FSTL4: variants seen among roughly 807,000 people sequenced by gnomAD.
The protein encoded by FSTL4 is follistatin-related protein 4.
FSTL4 carries 28 observed loss-of-function variants against 78.2 expected under a neutral mutation model. The ratio of observed to expected loss-of-function variants is 0.36; its 90% confidence interval spans 0.27 to 0.49. The LOEUF is 0.49. Among genes scored for constraint, FSTL4 ranks in the 20% least tolerant of loss-of-function variants. The pLI is 0.98. For missense variants in FSTL4, 922 were observed against 1,084.9 expected, an observed-to-expected ratio of 0.85 and a Z score of 2.11; for synonymous variants, 422 against 440.5, an observed-to-expected ratio of 0.96 and a Z score of 0.53.
chr5:133,620,804 A>G, the FSTL4 span, among the ~76,000 whole-genome samples: 2 of 152,308 alleles, frequency 1.3e-5, no homozygotes, highest in South Asian at 2.1e-4. Flanking sequence ...AACTGTGGTG[A>G]TCAGGGAACA....
At position 133,483,838 on chromosome 5, in the gene FSTL4, C is replaced by T. The variant is rs6858965; in HGVS notation, c.161-82852G>A. The stretch of plus-strand genomic sequence containing the variant: ...CAGCTCCCAGGCTGCCTCCTTGGCT[C>T]TCACCCAGGGCAAGGCCTTGCCCAG... On this transcript the variant is annotated intron_variant, in intron 3 of 15. Coordinates refer to ENST00000265342, the MANE Select transcript of FSTL4 (RefSeq NM_015082.2). Among the ~76,000 whole-genome samples, 1,274 of 152,254 alleles carry T rather than the reference C, an allele frequency of 8.4e-3. 24 individuals carry two copies. Among genetic ancestry groups the T allele is most frequent in the African/African-American group, 0.029 (1,216 of 41,538 alleles).
chr5:133,811,607 G>A, the FSTL4 span, among the ~76,000 whole-genome samples: 1 of 152,166 alleles, frequency 6.6e-6, no homozygotes, highest in South Asian at 2.1e-4. Context: ...ACACCACACA[G>A]GGCTAAGGAG....
At chr5:133,637,026 G>A in the FSTL4 span, among the ~76,000 whole-genome samples, 1 of 152,154 alleles carries the variant, frequency 6.6e-6, no homozygotes, top group Admixed American at 6.5e-5. Flanking sequence ...ATAAGTAGAG[G>A]GATAGTAAAA....
intron 3 of FSTL4, among the ~76,000 whole-genome samples, chr5:133,403,857 T>C (rs898705399): frequency 6.6e-6 from 1 of 152,132 alleles, no homozygotes; most frequent in African/African-American, 2.4e-5. Context: ...CCTGACCCCC[T>C]CCTTTGAAAG....
intron 3 of FSTL4, among the ~76,000 whole-genome samples, chr5:133,477,616 TG>T (rs1407172959): frequency 1.3e-5 from 2 of 152,196 alleles, no homozygotes; most frequent in African/African-American, 4.8e-5. Context: ...CCGCTCTTAA[TG>T]GACTCAAGTT....
intron 7 of FSTL4, among the ~76,000 whole-genome samples, chr5:133,239,344 G>A (rs11242147): frequency 6.6e-6 from 1 of 151,966 alleles, no homozygotes; most frequent in East Asian, 1.9e-4. Context: ...TGAGGAGTGC[G>A]GGCGCACGGC....
chr5:133,769,004 T>G, the FSTL4 span, among the ~76,000 whole-genome samples: 1 of 152,228 alleles, frequency 6.6e-6, no homozygotes, highest in Admixed American at 6.5e-5. Flanking sequence ...ACACAGAGCC[T>G]GTTGCAAAGA....
chr5:133,389,807 T>C (rs1580671638), intron 4 of FSTL4, among the ~76,000 whole-genome samples: 2 of 152,168 alleles, frequency 1.3e-5, no homozygotes, highest in South Asian at 2.1e-4. Context: ...TCTCTGAAAA[T>C]CCCTATAAAA....
the FSTL4 span, among the ~76,000 whole-genome samples, chr5:133,742,963 G>A: frequency 2.0e-5 from 3 of 152,162 alleles, no homozygotes; most frequent in East Asian, 5.8e-4. Flanking sequence ...GGGTGTGACT[G>A]TTTGTGGCTT....
chr5:133,695,067 C>G, the FSTL4 span, among the ~76,000 whole-genome samples: 5 of 152,148 alleles, frequency 3.3e-5, no homozygotes, highest in Non-Finnish European at 7.4e-5. Context: ...TCAGGTCCCT[C>G]CCATCCCAGA....
At chr5:133,326,323 C>A (rs540058921) in intron 4 of FSTL4, among the ~76,000 whole-genome samples, 2 of 152,296 alleles carry the variant, frequency 1.3e-5, no homozygotes, top group Admixed American at 6.5e-5. Flanking sequence ...CTGAAAATTC[C>A]AAGAGACTGT....
chr5:133,721,488 T>A, the FSTL4 span, among the ~76,000 whole-genome samples: 14 of 152,342 alleles, frequency 9.2e-5, no homozygotes, highest in Admixed American at 4.6e-4. Flanking sequence ...TCCTTCAGCT[T>A]TTCCTTATTT....
At chr5:133,443,845 G>T (rs1757209855) in intron 3 of FSTL4, among the ~76,000 whole-genome samples, 1 of 152,168 alleles carries the variant, frequency 6.6e-6, no homozygotes, top group Non-Finnish European at 1.5e-5. Context: ...GCTCTGTCTG[G>T]CCTGGGCTTT....
intron 6 of FSTL4, among the ~76,000 whole-genome samples, chr5:133,269,891 G>A (rs1214765042): frequency 1.3e-5 from 2 of 152,164 alleles, no homozygotes; most frequent in Non-Finnish European, 2.9e-5. Context: ...CAAATTTGAC[G>A]GCATCTGTTG....
chr5:133,333,019 G>A (rs1046643549), intron 4 of FSTL4, among the ~76,000 whole-genome samples: 1 of 144,614 alleles, frequency 6.9e-6, no homozygotes, highest in Admixed American at 6.7e-5. Context: ...CTCTCTCTCT[G>A]TCTGTCTCTC....
the FSTL4 span, among the ~76,000 whole-genome samples, chr5:133,776,797 G>A: frequency 2.0e-4 from 31 of 152,290 alleles, no homozygotes; most frequent in East Asian, 6.0e-3. Flanking sequence ...ACCAAGGTAG[G>A]TCTCTAACCC....
At chr5:133,288,745 G>A (rs1753192090) in intron 6 of FSTL4, among the ~76,000 whole-genome samples, 1 of 152,206 alleles carries the variant, frequency 6.6e-6, no homozygotes, top group Non-Finnish European at 1.5e-5. Context: ...AAGGGCTCTG[G>A]CCTCGCTTGA....
At chr5:133,751,894 T>G in the FSTL4 span, among the ~76,000 whole-genome samples, 1 of 152,174 alleles carries the variant, frequency 6.6e-6, no homozygotes, top group Admixed American at 6.5e-5. Context: ...TCTTACTGAG[T>G]CTGATAAATC....
At chr5:133,644,684 G>A in the FSTL4 span, among the ~76,000 whole-genome samples, 1 of 152,182 alleles carries the variant, frequency 6.6e-6, no homozygotes, top group East Asian at 1.9e-4. Context: ...TTGAACAAAG[G>A]CATTGCTGGG....
Sources: allele counts gnomAD v4.1 joint callset (sites outside exome capture counted in the v4.1 genomes callset), GRCh38; gene constraint gnomAD v4.1.1; transcripts MANE v1.5; gene names NCBI Gene and HGNC (gene_info 2026-07-23, HGNC 2026-07-21).